The following NXPE2 variants were observed in gnomAD, a reference collection of about 807,000 sequenced individuals.
NXPE2 encodes the protein NXPE family member 2.
NXPE2 carries 34 observed loss-of-function variants against 34.4 expected under a neutral mutation model. The observed-to-expected ratio is 0.99, with a 90% CI of 0.75 to 1.31. NXPE2 has a LOEUF of 1.31. NXPE2 is among the 40% of genes most tolerant of loss of function. The pLI is 0.00. For synonymous variants in NXPE2, 235 were observed against 231.3 expected, an observed-to-expected ratio of 1.02 and a Z score of -0.15; for missense variants, 649 against 672.5, an observed-to-expected ratio of 0.97 and a Z score of 0.39.
chr11:114,558,239 C>T, the NXPE2 span, among the ~76,000 whole-genome samples: 1 of 151,876 alleles, frequency 6.6e-6, no homozygotes, highest in African/African-American at 2.4e-5. Flanking sequence ...TATATATGCA[C>T]ATTCTATATG....
At chr11:114,669,614 C>G in the NXPE2 span, among the ~76,000 whole-genome samples, 2 of 152,188 alleles carry the variant, frequency 1.3e-5, no homozygotes, top group South Asian at 2.1e-4. Context: ...CACTTCAGCT[C>G]ACTGGCTGAG....
At chr11:114,782,926 C>A in the NXPE2 span, among the ~76,000 whole-genome samples, 1 of 152,180 alleles carries the variant, frequency 6.6e-6, no homozygotes. Flanking sequence ...AAGATCTTAG[C>A]CTGTGGACAG....
At chr11:114,613,780 A>G in the NXPE2 span, among the ~76,000 whole-genome samples, 2 of 151,866 alleles carry the variant, frequency 1.3e-5, no homozygotes, top group African/African-American at 4.8e-5. Context: ...CCTGGTGGGT[A>G]ACCACAGTTA....
At chr11:114,692,183 A>G (rs1240675208) in intron 2 of NXPE2, among the ~76,000 whole-genome samples, 1 of 152,162 alleles carries the variant, frequency 6.6e-6, no homozygotes, top group Non-Finnish European at 1.5e-5. Flanking sequence ...GTGGCCAAAC[A>G]ATGTCTTTAA....
the NXPE2 span, among the ~76,000 whole-genome samples, chr11:114,668,248 A>G: frequency 6.6e-6 from 1 of 152,074 alleles, no homozygotes; most frequent in Non-Finnish European, 1.5e-5. Context: ...TAATTAAGGT[A>G]CACTAGAGGG....
the NXPE2 span, among the ~76,000 whole-genome samples, chr11:114,567,747 C>A: frequency 6.6e-6 from 1 of 151,312 alleles, no homozygotes; most frequent in Non-Finnish European, 1.5e-5. Flanking sequence ...TTTTTAAATA[C>A]CCTCTCTTGA....
chr11:114,601,039 T>G, the NXPE2 span, among the ~76,000 whole-genome samples: 1 of 152,050 alleles, frequency 6.6e-6, no homozygotes, highest in Non-Finnish European at 1.5e-5. Flanking sequence ...AGTTGCCATC[T>G]GTACAAGTTT....
chr11:114,556,017 G>GTA, the NXPE2 span, among the ~76,000 whole-genome samples: 871 of 152,270 alleles, frequency 5.7e-3, 3 homozygotes, highest in Non-Finnish European at 7.7e-3. Context: ...TTTTTGGTAA[G>GTA]TACCTAAGGG....
the NXPE2 span, among the ~76,000 whole-genome samples, chr11:114,799,073 TTAAA>T: frequency 6.6e-6 from 1 of 152,222 alleles, no homozygotes; most frequent in Admixed American, 6.5e-5. Context: ...TGCCTTGCAA[TTAAA>T]TAAATGGGTA....
At chr11:114,504,486 T>C in the NXPE2 span, among the ~76,000 whole-genome samples, 1 of 152,088 alleles carries the variant, frequency 6.6e-6, no homozygotes, top group African/African-American at 2.4e-5. Flanking sequence ...GGGAAGCAGG[T>C]ACCCCCACAT....
At chr11:114,642,794 G>A in the NXPE2 span, among the ~76,000 whole-genome samples, 2 of 152,000 alleles carry the variant, frequency 1.3e-5, no homozygotes, top group East Asian at 3.8e-4. Flanking sequence ...TGGGCTTGCT[G>A]GGTCAAATGG....
the NXPE2 span, among the ~76,000 whole-genome samples, chr11:114,492,856 T>C: frequency 1.3e-5 from 2 of 152,230 alleles, no homozygotes; most frequent in Non-Finnish European, 2.9e-5. Flanking sequence ...AATGTTTCTT[T>C]GTTGATTTTC....
At chr11:114,580,553 C>T in the NXPE2 span, among the ~76,000 whole-genome samples, 5 of 151,650 alleles carry the variant, frequency 3.3e-5, no homozygotes, top group East Asian at 3.9e-4. Flanking sequence ...CATTAATGTT[C>T]GTTATAAGAG....
the NXPE2 span, among the ~76,000 whole-genome samples, chr11:114,503,647 T>C: frequency 3.3e-5 from 5 of 152,046 alleles, no homozygotes; most frequent in Admixed American, 6.6e-5. Context: ...ATTAAGAAGC[T>C]TAGAAGATAA....
the NXPE2 span, among the ~76,000 whole-genome samples, chr11:114,620,786 G>C: frequency 6.6e-6 from 1 of 152,006 alleles, no homozygotes; most frequent in South Asian, 2.1e-4. Context: ...TTACCTGGTG[G>C]ATAATAAGTG....
the NXPE2 span, among the ~76,000 whole-genome samples, chr11:114,509,502 C>A: frequency 1.3e-5 from 2 of 152,090 alleles, no homozygotes; most frequent in Non-Finnish European, 2.9e-5. Context: ...CTCACAATAG[C>A]AAAGACATGG....
chr11:114,574,912 T>TC, the NXPE2 span, among the ~76,000 whole-genome samples: 1 of 151,896 alleles, frequency 6.6e-6, no homozygotes, highest in Non-Finnish European at 1.5e-5. Flanking sequence ...ACCAGTAACA[T>TC]CCCTTATGAA....
chr11:114,688,312 T>A (rs1591432147), intron 2 of NXPE2, among the ~76,000 whole-genome samples: 1 of 152,254 alleles, frequency 6.6e-6, no homozygotes, highest in African/African-American at 2.4e-5. Context: ...TGGATTTTTA[T>A]TGAATGCTTT....
At chr11:114,777,332 GA>G in the NXPE2 span, among the ~76,000 whole-genome samples, 1 of 152,218 alleles carries the variant, frequency 6.6e-6, no homozygotes, top group South Asian at 2.1e-4. Flanking sequence ...CTTGTTACAT[GA>G]TTTGGGGACT....
Sources: allele counts gnomAD v4.1 joint callset (sites outside exome capture counted in the v4.1 genomes callset), GRCh38; gene constraint gnomAD v4.1.1; transcripts MANE v1.5; gene names NCBI Gene and HGNC (gene_info 2026-07-23, HGNC 2026-07-21).